The following GPC3 variants were observed in gnomAD, a reference collection of about 807,000 sequenced individuals.
GPC3 encodes the protein glypican 3.
GPC3 carries 3 observed loss-of-function variants against 34.4 expected under a neutral mutation model. The ratio of observed to expected loss-of-function variants is 0.09; its 90% CI spans 0.04 to 0.23. The LOEUF is 0.23. GPC3 is among the 10% of genes least tolerant of loss of function. The pLI is 1.00. For missense variants in GPC3, 351 were observed against 445.6 expected (o/e 0.79, Z 1.91); for synonymous variants, 177 against 174.0 (o/e 1.02, Z -0.13).
rs192354925 is a variant in GPC3, at chrX:133,767,708, G to A, written c.338-13532C>T. Among the ~76,000 whole-genome samples the A allele has an allele frequency of 7.7e-3, 845 of 110,429 alleles. 5 individuals carry two copies. Among genetic ancestry groups the A allele is most frequent in the African/African-American group, 0.026 (787 of 30,343 alleles). On this transcript the variant is annotated intron_variant, in intron 2 of 7. Transcript: ENST00000370818. ...TACTCAATGGGCTCCGGAAGCAGGC[G>A]AAGACTTAACAGGAAGGTAACCACC... is the stretch of plus-strand genomic sequence containing the variant.
chrX:133,751,009 G>T (rs2124477929), intron 3 of GPC3, among the ~76,000 whole-genome samples: 1 of 108,898 alleles, frequency 9.2e-6, no homozygotes, highest in Admixed American at 9.9e-5. Flanking sequence ...GGAGGTGGAG[G>T]TTGCAGTGAG....
At chrX:133,538,819 C>T in intron 7 of GPC3, among the ~76,000 whole-genome samples, 1 of 102,678 alleles carries the variant, frequency 9.7e-6, no homozygotes, top group Non-Finnish European at 2.0e-5. Flanking sequence ...TGGCAAAACC[C>T]CGTCTCCAGA....
chrX:133,801,536 T>C (rs990056709), intron 2 of GPC3, among the ~76,000 whole-genome samples: 2 of 111,992 alleles, frequency 1.8e-5, no homozygotes, highest in African/African-American at 6.5e-5. Flanking sequence ...TTCCCCTTCC[T>C]CTATGGAAAG....
chrX:133,583,745 G>A (rs1265086748), intron 7 of GPC3, among the ~76,000 whole-genome samples: 4 of 112,203 alleles, frequency 3.6e-5, no homozygotes, highest in African/African-American at 1.3e-4. Flanking sequence ...ATTCAATTGA[G>A]GAATAGCTCA....
At chrX:133,645,982 A>C (rs995100450) in intron 6 of GPC3, among the ~76,000 whole-genome samples, 10 of 110,463 alleles carry the variant, frequency 9.1e-5, no homozygotes, top group African/African-American at 3.3e-4. Context: ...GGCAGAGAAA[A>C]AAGTTACACA....
intron 3 of GPC3, among the ~76,000 whole-genome samples, chrX:133,734,615 G>A: frequency 9.0e-6 from 1 of 110,542 alleles, no homozygotes; most frequent in East Asian, 2.9e-4. Flanking sequence ...GAAAGAAAAA[G>A]AAAGAAAATG....
chrX:133,588,402 C>A (rs2069813025), intron 7 of GPC3, among the ~76,000 whole-genome samples: 1 of 110,673 alleles, frequency 9.0e-6, no homozygotes, highest in Non-Finnish European at 1.9e-5. Context: ...AACAAACAAA[C>A]AAAAAAACCC....
intron 2 of GPC3, among the ~76,000 whole-genome samples, chrX:133,798,768 G>C (rs1193775448): frequency 8.9e-6 from 1 of 111,934 alleles, no homozygotes; most frequent in Non-Finnish European, 1.9e-5. Context: ...ATAGTCCTTG[G>C]AAGGGAAAGC....
At position 133,628,741 on chromosome X, in the gene GPC3, C is replaced by G. The variant is rs866628111; in HGVS notation, c.1414-32142G>C. ...AGTGATTATAAACATTACTAAAGAG[C>G]CCTCTTTTTAAAAAATTTTACGCAA... On this transcript the variant is annotated intron_variant, in intron 6 of 7. Coordinates refer to ENST00000370818, the MANE Select transcript of GPC3 (RefSeq NM_004484.4). Among the ~76,000 whole-genome samples, 6 of 110,970 alleles carry G rather than the reference C, an allele frequency of 5.4e-5. No individual in the cohort carries two copies. In the South Asian group the frequency reaches 1.5e-3, roughly 29 times the overall value.
intron 6 of GPC3, among the ~76,000 whole-genome samples, chrX:133,635,552 A>G (rs970689182): frequency 1.7e-4 from 19 of 112,251 alleles, no homozygotes; most frequent in African/African-American, 6.1e-4. Flanking sequence ...CAGGAATTCT[A>G]GTCATTCAGT....
intron 2 of GPC3, among the ~76,000 whole-genome samples, chrX:133,755,461 T>C (rs1045077538): frequency 8.9e-6 from 1 of 112,305 alleles, no homozygotes; most frequent in Admixed American, 9.4e-5. Flanking sequence ...GATTCTTCCC[T>C]TGGGCTTATG....
At chrX:133,876,371 T>G (rs369229917) in intron 2 of GPC3, among the ~76,000 whole-genome samples, 1 of 111,598 alleles carries the variant, frequency 9.0e-6, no homozygotes, top group Admixed American at 9.6e-5. Flanking sequence ...CCAGAAGTAA[T>G]GGTACCTATT....
At chrX:133,832,051 G>C (rs943460467) in intron 2 of GPC3, among the ~76,000 whole-genome samples, 3 of 111,679 alleles carry the variant, frequency 2.7e-5, no homozygotes. Context: ...GGGAGGCCAA[G>C]GTGGGTGGAT....
At chrX:133,931,019 G>A (rs927765072) in intron 2 of GPC3, among the ~76,000 whole-genome samples, 11 of 111,687 alleles carry the variant, frequency 9.8e-5, no homozygotes, top group Non-Finnish European at 2.1e-4. Flanking sequence ...AGATAGTATC[G>A]AGCAGAGACT....
chrX:133,549,096 G>A (rs189745537), intron 7 of GPC3, among the ~76,000 whole-genome samples: 54 of 111,325 alleles, frequency 4.9e-4, no homozygotes, highest in African/African-American at 1.7e-3. Flanking sequence ...TGTCATCCTG[G>A]CTCCATCCTC....
At chrX:133,703,096 T>C (rs950973372) in intron 3 of GPC3, among the ~76,000 whole-genome samples, 1 of 112,244 alleles carries the variant, frequency 8.9e-6, no homozygotes, top group Non-Finnish European at 1.9e-5. Flanking sequence ...AGTCTTATTC[T>C]TCAGCAGCCC....
chrX:133,909,828 A>T lies in GPC3; in HGVS notation c.337+43222T>A, dbSNP rs910762446. ...AGAACTGACAGACATTGACTCAAGG[A>T]CTCCCAGTGAAGCCTGGATCTGAGT... is the stretch of plus-strand genomic sequence containing the variant. On this transcript the variant is annotated intron_variant, in intron 2 of 7. Coordinates refer to ENST00000370818, the MANE Select transcript of GPC3 (RefSeq NM_004484.4). Among the ~76,000 whole-genome samples the T allele has an allele frequency of 2.7e-5, 3 of 111,176 alleles. No homozygotes were observed. In the South Asian group the frequency reaches 1.2e-3, roughly 43 times the overall value.
At chrX:133,882,696 G>A (rs1603265412) in intron 2 of GPC3, among the ~76,000 whole-genome samples, 1 of 111,444 alleles carries the variant, frequency 9.0e-6, no homozygotes, top group African/African-American at 3.3e-5. Flanking sequence ...TATGCCTACA[G>A]GGAATTTAAA....
At chrX:133,555,814 C>T (rs775622397) in intron 7 of GPC3, among the ~76,000 whole-genome samples, 10 of 103,729 alleles carry the variant, frequency 9.6e-5, no homozygotes, top group Admixed American at 1.0e-4. Context: ...GGTGACAAGG[C>T]GAGACTCCAT....
Sources: gnomAD v4.1 joint callset for allele counts (sites outside exome capture counted in the v4.1 genomes callset) on GRCh38, gnomAD v4.1.1 for gene constraint, MANE v1.5 for transcripts, NCBI Gene and HGNC (gene_info 2026-07-23, HGNC 2026-07-21) for gene names.